Variants in NEIL1 observed in about 807,000 individuals in gnomAD.
NEIL1 encodes the protein nei like DNA glycosylase 1.
NEIL1 carries 31 observed loss-of-function variants against 44.2 expected under a neutral mutation model. The ratio of observed to expected loss-of-function variants is 0.70; its 90% CI spans 0.53 to 0.95. The LOEUF (loss-of-function observed/expected upper bound fraction) is 0.95. Among genes scored for constraint, NEIL1 ranks in the 40% least tolerant of loss-of-function variants. The pLI is 0.00. For synonymous variants in NEIL1, 254 were observed against 209.7 expected (o/e 1.21, Z -1.83); for missense variants, 549 against 515.5 (o/e 1.07, Z -0.63).
In NEIL1 at chr15:75,349,192, A is replaced by T; in HGVS notation, c.287A>T (p.His96Leu). The T allele has an allele frequency of 6.2e-7, 1 of 1,609,216 alleles. No homozygotes were observed. The highest frequency in any genetic ancestry group is 2.2e-5 in the East Asian group (1 of 44,878). The change falls in exon 2 of 10, where the codon CAT becomes CTT. Residue 96 changes from histidine to leucine, a missense_variant. Physicochemically the swap from His to Leu is moderately conservative, Grantham distance 99. Transcript: ENST00000355059. ...QLVPREELPR[H>L]AHLRFYTAPP... Reference sequence around the variant, plus strand: ...GTGCCCCGCGAGGAGCTGCCACGCCATGCCCACCTGCGCTTTTACACGGCC... The same window carrying T: ...GTGCCCCGCGAGGAGCTGCCACGCCTTGCCCACCTGCGCTTTTACACGGCC...
intron 2 of NEIL1, among the ~76,000 whole-genome samples, chr15:75,350,958 T>C (rs982197124): frequency 1.3e-5 from 2 of 152,152 alleles, no homozygotes; most frequent in African/African-American, 4.8e-5. Context: ...CCATGACCCT[T>C]TTCCGCAAAG....
Position 75,356,796 on chromosome 15 carries a change from G to A in NEIL1, c.*1762G>A, listed in dbSNP as rs369564386. ...GCCTGGTGGGTACCCCACTTACAGC[G>A]AGAGGCTGAGGATGCTGCCTCGCAC... On this transcript the variant is annotated 3_prime_UTR_variant, in exon 10 of 10. Coordinates refer to ENST00000355059, the MANE Select transcript of NEIL1 (RefSeq NM_024608.4). The surrounding 1 kb of genome is among the most constrained non-coding windows in gnomAD (Gnocchi z 5.8). The A allele has an allele frequency of 1.0e-4, 166 of 1,613,926 alleles. No individual in the cohort carries two copies. The highest frequency in any genetic ancestry group is 6.9e-5 in the Non-Finnish European group (82 of 1,180,034).
At position 75,347,040 on chromosome 15, in the gene NEIL1, G is replaced by C. The variant is rs2071515192; in HGVS notation, c.-456G>C. On this transcript the variant is annotated 5_prime_UTR_variant, in exon 1 of 10. Transcript: ENST00000355059. ...ACTGGCGGTTCCTTCCGCCGGACAC[G>C]TCGGGTTTCCTCGTTTTTGCGGACT... 6.6e-6 allele frequency: 1 copy of C among 152,224 alleles called. No homozygotes were observed. The highest frequency in any genetic ancestry group is 1.5e-5 in the Non-Finnish European group (1 of 68,050). The allele number at this position is 152,224 out of a possible 1,614,324, so 9.4% of individuals were successfully genotyped here.
At chr15:75,348,007 G>T in intron 1 of NEIL1, 1 of 1,196,684 alleles carries the variant, frequency 8.4e-7, no homozygotes, top group South Asian at 1.4e-5. Context: ...GAGGCAAGTG[G>T]CAAAGCAGGG....
At chr15:75,348,213 G>A in intron 1 of NEIL1, 1 of 765,950 alleles carries the variant, frequency 1.3e-6, no homozygotes, top group Non-Finnish European at 1.6e-6. Flanking sequence ...CCCTGACCCG[G>A]GGGCGGCCGC....
At chr15:75,351,437 C>T (rs924186325) in intron 2 of NEIL1, 2 of 356,134 alleles carry the variant, frequency 5.6e-6, no homozygotes, top group Admixed American at 7.8e-5. Flanking sequence ...CACTAAGCCC[C>T]TGGCTACTTC....
chr15:75,352,088 G>A (rs180968799), intron 2 of NEIL1, 23 bp from the exon 3 acceptor site: 299 of 1,613,086 alleles, frequency 1.9e-4, no homozygotes, highest in African/African-American at 9.1e-4. Flanking sequence ...TGGGTCTTAC[G>A]CACCCAGACC....
In NEIL1 at chr15:75,352,354, C is replaced by T. The variant is rs143898022; in HGVS notation, c.585C>T (p.Arg195=). The T allele has an allele frequency of 2.5e-5, 41 of 1,614,026 alleles. No individual in the cohort carries two copies. Among genetic ancestry groups the T allele is most frequent in the Non-Finnish European group, 3.4e-5 (40 of 1,180,060 alleles). The stretch of plus-strand genomic sequence containing the variant: ...AGATCCCCCCCTTTGAGAAGGCCCG[C>T]TCGGTCCTGGAGGCCCTGCAGCAGC... The part of the protein sequence containing the change: ...RLKIPPFEKA[R]SVLEALQQHR... Residue 195 remains arginine (R), a synonymous_variant, in exon 4 of 10, where the codon CGC becomes CGT. Coordinates refer to ENST00000355059, the MANE Select transcript of NEIL1 (RefSeq NM_024608.4).
intron 5 of NEIL1, 149 bp downstream of exon 5, chr15:75,352,850 T>G (rs905394559): frequency 5.9e-6 from 4 of 676,898 alleles, no homozygotes; most frequent in Non-Finnish European, 1.0e-5. Context: ...TTGTCAATAG[T>G]GTTTCCAGGC....
intron 1 of NEIL1, chr15:75,348,334 G>T: frequency 1.0e-6 from 1 of 986,662 alleles, no homozygotes. Flanking sequence ...TTCCCTCGGT[G>T]GTGAGCGGCC....
Position 75,354,451 on chromosome 15 carries a change from A to G in NEIL1, c.895A>G (p.Lys299Glu). The stretch of plus-strand genomic sequence containing the variant: ...TGCAGGGCGCAAGTCCCGCAAAAAG[A>G]AATCCAAGGCCACACAGCTGAGTCC... The part of the protein sequence containing the change: ...APKGRKSRKK[K>E]SKATQLSPED... Residue 299 changes from lysine to glutamate, a missense_variant, in exon 8 of 10, where the codon AAA becomes GAA. Lys to Glu is a moderately conservative substitution (Grantham distance 56). Transcript: ENST00000355059. 6.2e-7 allele frequency: 1 copy of G among 1,614,194 alleles called. No homozygotes were observed. The highest frequency in any genetic ancestry group is 1.3e-5 in the African/African-American group (1 of 75,036).
At chr15:75,349,623 G>T (rs2071726048) in intron 2 of NEIL1, 2 of 431,126 alleles carry the variant, frequency 4.6e-6, no homozygotes, top group African/African-American at 3.9e-5. Context: ...AGACCAGCCT[G>T]GCCAGTATGG....
chr15:75,353,849 CGT>C lies in NEIL1; in HGVS notation c.830_831del (p.Arg277HisfsTer31). The stretch of plus-strand genomic sequence containing the variant: ...GAGCTCCCTGCAGGACCGGCATGGC[CGT>C]ACCATCTGGTTCCAGGTTGGGCCCT... ...GMSSLQDRHG[R>X]TIWFQGDPGP... On this transcript the variant is annotated frameshift_variant, in exon 6 of 10. Transcript: ENST00000355059. LOFTEE classifies it high-confidence loss of function. The C allele has an allele frequency of 1.5e-5, 24 of 1,613,030 alleles. No homozygotes were observed. The highest frequency in any genetic ancestry group is 2.0e-5 in the Non-Finnish European group (24 of 1,179,986).
At position 75,354,753 on chromosome 15, in the gene NEIL1, AGCAG is replaced by A; in HGVS notation, c.1039_1042del (p.Gln347ThrfsTer65). 6.2e-7 allele frequency: 1 copy of A among 1,614,170 alleles called. No homozygotes were observed. Among genetic ancestry groups the A allele is most frequent in the Non-Finnish European group, 8.5e-7 (1 of 1,180,036 alleles). On this transcript the variant is annotated frameshift_variant, in exon 9 of 10. Coordinates refer to ENST00000355059, the MANE Select transcript of NEIL1 (RefSeq NM_024608.4). LOFTEE classifies it high-confidence loss of function. ...CAGCGGCCTGAGGGGACCAGCCTCC[AGCAG>A]GACCCAGAAGCTCCCACAGTGCCCA...
Position 75,355,532 on chromosome 15 carries a change from C to T in NEIL1, c.*498C>T, listed in dbSNP as rs532956353. On this transcript the variant is annotated 3_prime_UTR_variant, in exon 10 of 10. Transcript: ENST00000355059. Reference sequence around the variant, plus strand: ...CAGGAGCCAGGCAAAACCCACCCTTCGGCCCCTCCCCAGCCCCAGGCCCAG... The same window carrying T: ...CAGGAGCCAGGCAAAACCCACCCTTTGGCCCCTCCCCAGCCCCAGGCCCAG... 3.7e-4 allele frequency: 93 copies of T among 252,762 alleles called. No homozygotes were observed. Among genetic ancestry groups the T allele is most frequent in the African/African-American group, 2.0e-3 (85 of 43,276 alleles). The allele number at this position is 252,762 out of a possible 1,614,324, so 15.7% of individuals were successfully genotyped here.
rs1478036803 is a variant in NEIL1 at position 75,348,932 on chromosome 15, G to A, written c.27G>A (p.Leu9=). ...TGCCTGAGGGCCCCGAGCTGCACCTGGCCAGCCAGTTTGTGAATGAGGCCT... is the reference window on the plus strand; with the variant it reads ...TGCCTGAGGGCCCCGAGCTGCACCTAGCCAGCCAGTTTGTGAATGAGGCCT... MPEGPELH[L]ASQFVNEACR... is the part of the protein sequence containing the mutation. Residue 9 remains leucine (L), a synonymous_variant, in exon 2 of 10, where the codon CTG becomes CTA. Transcript: ENST00000355059. The A allele has an allele frequency of 1.9e-6, 3 of 1,612,730 alleles. No individual in the cohort carries two copies. Among genetic ancestry groups the A allele is most frequent in the East Asian group, 2.2e-5 (1 of 44,880 alleles).
chr15:75,356,858 C>T lies in NEIL1; in HGVS notation c.*1824C>T. The T allele has an allele frequency of 6.2e-7, 1 of 1,614,174 alleles. No homozygotes were observed. The highest frequency in any genetic ancestry group is 1.1e-5 in the South Asian group (1 of 91,092). On this transcript the variant is annotated 3_prime_UTR_variant, in exon 10 of 10. Transcript: ENST00000355059. The surrounding 1 kb of genome is among the most constrained non-coding windows in gnomAD (Gnocchi z 5.8). The stretch of plus-strand genomic sequence containing the variant: ...ACTTGCAGTCGTTGAGCAGGGCCAG[C>T]CCAAAGCCGTGTTCTGACAGATCCA...
Position 75,355,741 on chromosome 15 carries a change from CA to C in NEIL1, c.*708del. 1 of 718,686 alleles carries C rather than the reference CA, an allele frequency of 1.4e-6. No individual in the cohort carries two copies. The highest frequency in any genetic ancestry group is 1.8e-5 in the African/African-American group (1 of 54,724). 44.5% of individuals were successfully genotyped at this position (718,686 alleles called of 1,614,324 possible). A position where few individuals can be genotyped will look rare whatever the true frequency, so the allele number is the denominator to read the frequency against. On this transcript the variant is annotated 3_prime_UTR_variant, in exon 10 of 10. Coordinates refer to ENST00000355059, the MANE Select transcript of NEIL1 (RefSeq NM_024608.4). ...GGAAGCCATCCCACCCCAGACTTCC[CA>C]CCCCCACCCCAAGCGTGAGGATGGG... is the stretch of plus-strand genomic sequence containing the variant.
intron 5 of NEIL1, chr15:75,353,282 G>A (rs1049719039): frequency 7.5e-6 from 2 of 266,264 alleles, no homozygotes; most frequent in African/African-American, 4.4e-5. Flanking sequence ...GTAGAGATAG[G>A]ATCTTGCCAT....
Sources: gnomAD v4.1 joint callset for allele counts (sites outside exome capture counted in the v4.1 genomes callset) on GRCh38, gnomAD v4.1.1 for gene constraint, Gnocchi (gnomAD v3.1) non-coding constraint, MANE v1.5 for transcripts, NCBI Gene and HGNC (gene_info 2026-07-23, HGNC 2026-07-21) for gene names.